Variants in PVT1 observed in about 807,000 individuals in gnomAD.
The protein encoded by PVT1 is Pvt1 oncogene.
intron 3 of PVT1, among the ~76,000 whole-genome samples, chr8:127,913,615 T>A (rs1036186571): frequency 6.6e-6 from 1 of 152,136 alleles, no homozygotes. Context: ...CAGGTAGAGC[T>A]CTTCAGTATG....
intron 5 of PVT1, among the ~76,000 whole-genome samples, chr8:128,080,904 A>T (rs1278441864): frequency 1.3e-5 from 2 of 152,178 alleles, no homozygotes; most frequent in Admixed American, 6.5e-5. Context: ...TAAGATCTAT[A>T]TTTAGATTCT....
At chr8:127,986,026 A>G (rs1420490762) in intron 3 of PVT1, among the ~76,000 whole-genome samples, 1 of 152,078 alleles carries the variant, frequency 6.6e-6, no homozygotes, top group Non-Finnish European at 1.5e-5. Flanking sequence ...GTGATTAGTC[A>G]ATGTGTGTTA....
intron 3 of PVT1, among the ~76,000 whole-genome samples, chr8:127,986,341 C>T (rs775900005): frequency 2.0e-5 from 3 of 152,190 alleles, no homozygotes; most frequent in Non-Finnish European, 4.4e-5. Flanking sequence ...CGTCAAAGCA[C>T]AGCGTTGGGC....
rs558768915 is a variant in PVT1 at position 128,091,147 on chromosome 8, G to A, written n.1115-5371G>A. The stretch of plus-strand genomic sequence containing the variant: ...TGATTATTTTTAGCCCAGCAGGACA[G>A]GGAGGAGTGTTAGGTCCCTGGGGGC... On this transcript the variant is annotated intron_variant and non_coding_transcript_variant, in intron 5 of 10. Coordinates refer to ENST00000651587, the Ensembl canonical transcript of PVT1. 2.0e-5 allele frequency among the ~76,000 whole-genome samples: 3 copies of A among 152,324 alleles called. No individual in the cohort carries two copies. The South Asian group carries it at 6.2e-4, about 32-fold the overall frequency.
intron 3 of PVT1, among the ~76,000 whole-genome samples, chr8:127,893,451 T>G (rs1815636192): frequency 6.6e-6 from 1 of 152,072 alleles, no homozygotes; most frequent in Non-Finnish European, 1.5e-5. Flanking sequence ...TAATTTTTGT[T>G]GGCCAGGCTG....
chr8:128,040,024 T>G (rs2130085494), intron 4 of PVT1, among the ~76,000 whole-genome samples: 1 of 152,264 alleles, frequency 6.6e-6, no homozygotes, highest in Non-Finnish European at 1.5e-5. Context: ...GCCTATTTGT[T>G]TTTTTGTGGA....
chr8:128,030,315 A>G (rs1813373752), intron 4 of PVT1, among the ~76,000 whole-genome samples: 1 of 152,108 alleles, frequency 6.6e-6, no homozygotes. Flanking sequence ...TTTCATATAT[A>G]TTTCATTTCA....
intron 3 of PVT1, among the ~76,000 whole-genome samples, chr8:127,925,122 C>T (rs1314594857): frequency 6.6e-6 from 1 of 152,162 alleles, no homozygotes; most frequent in African/African-American, 2.4e-5. Flanking sequence ...ATATACCTAT[C>T]CTGGAATGGT....
At chr8:127,831,286 C>T (rs1345059619) in intron 2 of PVT1, among the ~76,000 whole-genome samples, 4 of 150,514 alleles carry the variant, frequency 2.7e-5, no homozygotes, top group Non-Finnish European at 5.9e-5. Context: ...GACCTTGTCT[C>T]TACAAAAAAT....
chr8:127,798,328 G>GTATA (rs1162151683), intron 2 of PVT1, among the ~76,000 whole-genome samples: 2 of 151,682 alleles, frequency 1.3e-5, no homozygotes, highest in Non-Finnish European at 2.9e-5. Context: ...CAAGAAAAGG[G>GTATA]TATACCCCTT....
chr8:127,832,581 G>A (rs866042912), intron 2 of PVT1, among the ~76,000 whole-genome samples: 3 of 152,238 alleles, frequency 2.0e-5, no homozygotes, highest in East Asian at 1.9e-4. Flanking sequence ...GCACATGGCC[G>A]GGTGTGGTGG....
intron 2 of PVT1, among the ~76,000 whole-genome samples, chr8:127,813,240 A>ATAAT (rs373417899): frequency 2.2e-4 from 13 of 59,650 alleles, no homozygotes; most frequent in African/African-American, 6.8e-4. Context: ...ACAAATATAT[A>ATAAT]ATATACAAAT....
At chr8:128,069,566 G>A (rs1267996953) in intron 4 of PVT1, among the ~76,000 whole-genome samples, 2 of 152,148 alleles carry the variant, frequency 1.3e-5, no homozygotes, top group Non-Finnish European at 2.9e-5. Context: ...GGTGGGTAAC[G>A]TAAATCCCCA....
At chr8:127,924,782 ATTACAGGT>A (rs1816109507) in intron 3 of PVT1, among the ~76,000 whole-genome samples, 1 of 152,024 alleles carries the variant, frequency 6.6e-6, no homozygotes. Flanking sequence ...AAGTGCTGGG[ATTACAGGT>A]GTGAACCACC....
At chr8:128,028,257 C>G (rs1297918526) in intron 4 of PVT1, among the ~76,000 whole-genome samples, 1 of 152,266 alleles carries the variant, frequency 6.6e-6, no homozygotes. Flanking sequence ...CTTTCTGGCT[C>G]CTGGGACCTG....
At chr8:128,080,549 A>C (rs1236544396) in intron 5 of PVT1, among the ~76,000 whole-genome samples, 2 of 152,240 alleles carry the variant, frequency 1.3e-5, no homozygotes, top group Non-Finnish European at 1.5e-5. Context: ...TCATGTTTTA[A>C]CTGGGTTGCT....
intron 4 of PVT1, among the ~76,000 whole-genome samples, chr8:128,041,116 A>G (rs1586493678): frequency 6.9e-6 from 1 of 145,952 alleles, no homozygotes; most frequent in Non-Finnish European, 1.5e-5. Context: ...GATTGTGTGT[A>G]TATGTTTGTG....
intron 4 of PVT1, among the ~76,000 whole-genome samples, chr8:128,042,789 G>A (rs1813562004): frequency 1.5e-5 from 1 of 68,122 alleles, no homozygotes; most frequent in African/African-American, 5.0e-5. Context: ...TTTTAAGAGA[G>A]ATCTTGCTCT....
intron 2 of PVT1, chr8:127,890,464 T>C (rs1563631563): frequency 6.6e-6 from 1 of 152,242 alleles, no homozygotes; most frequent in Non-Finnish European, 1.5e-5. Flanking sequence ...TGTTACCAGT[T>C]ATGGAGAATT....
Sources: allele counts gnomAD v4.1 joint callset (sites outside exome capture counted in the v4.1 genomes callset), GRCh38; gene constraint gnomAD v4.1.1; transcripts MANE v1.5; gene names NCBI Gene and HGNC (gene_info 2026-07-23, HGNC 2026-07-21).